Variants in E2F1 observed in about 807,000 individuals in gnomAD.
The protein encoded by E2F1 is E2F transcription factor 1.
Under a neutral mutation model 36.9 loss-of-function variants are expected in E2F1, and 7 were observed. The ratio of observed to expected loss-of-function variants is 0.19; its 90% CI spans 0.11 to 0.36. The LOEUF is 0.36. Among genes scored for constraint, E2F1 ranks in the 10% least tolerant of loss-of-function variants. E2F1 has a pLI of 1.00. For missense variants in E2F1, 406 were observed against 573.6 expected (o/e 0.71, Z 2.99); for synonymous variants, 261 against 263.1 (o/e 0.99, Z 0.08).
chr20:33,678,450 CTG>C lies in E2F1; in HGVS notation c.573-99_573-98del, dbSNP rs1356747396. 3 of 1,462,444 alleles carry C rather than the reference CTG, an allele frequency of 2.1e-6. No individual in the cohort carries two copies. The African/African-American group carries it at 4.2e-5, about 20-fold the overall frequency. The allele number at this position is 1,462,444 out of a possible 1,614,324, so 90.6% of individuals were successfully genotyped here. A position where few individuals can be genotyped will look rare whatever the true frequency, so the allele number is the denominator to read the frequency against. On this transcript the variant is annotated intron_variant, in intron 3 of 6. Transcript: ENST00000343380. ...GACAGAGTCTGCTGTTGCCTCTGTT[CTG>C]TGAGGCCTAGGCAAGCCCTTGCTTC...
chr20:33,676,832 G>T lies in E2F1; in HGVS notation c.1214C>A (p.Pro405His). 1 of 1,595,040 alleles carries T rather than the reference G, an allele frequency of 6.3e-7. No individual in the cohort carries two copies. The highest frequency in any genetic ancestry group is 1.1e-5 in the South Asian group (1 of 88,474). The change falls in exon 7 of 7, where the codon CCC (proline) becomes CAC (histidine). Residue 405 changes from proline to histidine, a missense_variant. Physicochemically the swap from Pro to His is moderately conservative, Grantham distance 77. Transcript: ENST00000343380. ...GAAGTGGTAGTCGAGGGCCTCGTGG[G>T]GTGGGGAAAGGCTGATGAACTCCTC... Reference protein sequence around the residue: ...LPEEFISLSPPHEALDYHFGL... With the variant: ...LPEEFISLSPHHEALDYHFGL...
chr20:33,677,949 C>G (rs1026327280), intron 4 of E2F1, among the ~76,000 whole-genome samples: 1 of 152,142 alleles, frequency 6.6e-6, no homozygotes, highest in Non-Finnish European at 1.5e-5. Context: ...CATGAACCAC[C>G]GCACCTAGCC....
Position 33,676,453 on chromosome 20 carries a change from G to A in E2F1, c.*279C>T, listed in dbSNP as rs149816386. On this transcript the variant is annotated 3_prime_UTR_variant, in exon 7 of 7. Coordinates refer to ENST00000343380, the MANE Select transcript of E2F1 (RefSeq NM_005225.3). ...AGGTGTATGTTCACCTTCATTCCCC[G>A]GTACATGCACACACACATGCTCACA... is the stretch of plus-strand genomic sequence containing the variant. 3,425 of 393,528 alleles carry A rather than the reference G, an allele frequency of 8.7e-3. 33 individuals carry two copies. The highest frequency in any genetic ancestry group is 9.6e-3 in the Non-Finnish European group (2,103 of 218,298). 24.4% of individuals were successfully genotyped at this position (393,528 alleles called of 1,614,324 possible). A position where few individuals can be genotyped will look rare whatever the true frequency, so the allele number is the denominator to read the frequency against.
At chr20:33,680,078 G>T in intron 2 of E2F1, 104 bp from the exon 3 acceptor site, 1 of 1,069,818 alleles carries the variant, frequency 9.3e-7, no homozygotes. Flanking sequence ...GATGGGGGCT[G>T]GGGGACAGCC....
chr20:33,677,043 G>T, intron 6 of E2F1, 62 bp downstream of exon 6: 1 of 1,563,266 alleles, frequency 6.4e-7, no homozygotes, highest in Non-Finnish European at 8.7e-7. Flanking sequence ...AGGGGCTGTC[G>T]TGCCTGCCCA....
chr20:33,684,887 G>T (rs777999434), intron 1 of E2F1, among the ~76,000 whole-genome samples: 2 of 152,056 alleles, frequency 1.3e-5, no homozygotes, highest in African/African-American at 2.4e-5. Flanking sequence ...CAAGTTCCCT[G>T]CTGAGACCCC....
At position 33,676,950 on chromosome 20, in the gene E2F1, G is replaced by A. The variant is rs779509637; in HGVS notation, c.1096C>T (p.Arg366Trp). Residue 366 changes from arginine (R) to tryptophan (W), a missense_variant, in exon 7 of 7, where the codon CGG becomes TGG. This residue lies in a region of E2F1 where 163 missense variants were observed against 181.5 expected (regional missense o/e 0.90). Coordinates refer to ENST00000343380, the MANE Select transcript of E2F1 (RefSeq NM_005225.3). ...AGGCGGTCCTCGTCCACGGGAGCCC[G>A]CAGGCTGCCCATCCGGGACAACAGC... ...EPLLSRMGSL[R>W]APVDEDRLSP... 8 of 1,562,964 alleles carry A rather than the reference G, an allele frequency of 5.1e-6. No individual in the cohort carries two copies. Among genetic ancestry groups the A allele is most frequent in the South Asian group, 2.3e-5 (2 of 86,040 alleles).
chr20:33,681,342 C>T (rs766363029), intron 1 of E2F1, among the ~76,000 whole-genome samples: 22 of 152,198 alleles, frequency 1.4e-4, no homozygotes, highest in Admixed American at 2.6e-4. Flanking sequence ...CCCAGCTAAG[C>T]CACTGATTAC....
intron 1 of E2F1, among the ~76,000 whole-genome samples, chr20:33,682,620 G>A (rs1023872985): frequency 3.9e-5 from 6 of 152,144 alleles, no homozygotes; most frequent in South Asian, 4.1e-4. Flanking sequence ...TCAGTGCCAC[G>A]CCCTAAAACA....
At chr20:33,680,511 T>C in intron 1 of E2F1, 95 bp from the exon 2 acceptor site, 1 of 1,066,042 alleles carries the variant, frequency 9.4e-7, no homozygotes, top group Non-Finnish European at 1.4e-6. Context: ...CTCGCCTCAG[T>C]TTCTCTAGCA....
At chr20:33,681,327 C>G (rs1047423648) in intron 1 of E2F1, among the ~76,000 whole-genome samples, 2 of 152,248 alleles carry the variant, frequency 1.3e-5, no homozygotes, top group African/African-American at 4.8e-5. Context: ...TAGTCAGCCA[C>G]CATGCCCAGC....
intron 3 of E2F1, 60 bp from the exon 4 acceptor site, chr20:33,678,413 C>G (rs910290764): frequency 5.0e-6 from 8 of 1,594,158 alleles, no homozygotes; most frequent in Admixed American, 3.4e-5. Flanking sequence ...GGCCAGGAGC[C>G]CTGGGCCTCA....
chr20:33,678,191 C>T lies in E2F1; in HGVS notation c.725+10G>A. On this transcript the variant is annotated intron_variant, in intron 4 of 6. Coordinates refer to ENST00000343380, the MANE Select transcript of E2F1 (RefSeq NM_005225.3). ...CTGCCTTCCACACCCTACGGCCAATCCAAGGATATCGCTGGCTGTCAGTGT... is the reference window on the plus strand; with the variant it reads ...CTGCCTTCCACACCCTACGGCCAATTCAAGGATATCGCTGGCTGTCAGTGT... 4 of 1,609,314 alleles carry T rather than the reference C, an allele frequency of 2.5e-6. No individual in the cohort carries two copies. Among genetic ancestry groups the T allele is most frequent in the Non-Finnish European group, 3.4e-6 (4 of 1,176,562 alleles).
chr20:33,676,960 C>T lies in E2F1; in HGVS notation c.1086G>A (p.Met362Ile). 6.4e-6 allele frequency: 10 copies of T among 1,564,648 alleles called. No individual in the cohort carries two copies. The highest frequency in any genetic ancestry group is 8.7e-6 in the Non-Finnish European group (10 of 1,152,276). ...CGTCCACGGGAGCCCGCAGGCTGCC[C>T]ATCCGGGACAACAGCGGTTCTGGGG... ...SLEQEPLLSR[M>I]GSLRAPVDED... The change falls in exon 7 of 7, where the codon ATG (methionine) becomes ATA (isoleucine). Residue 362 changes from methionine to isoleucine, a missense_variant. This residue lies in a region of E2F1 where 163 missense variants were observed against 181.5 expected (regional missense o/e 0.90). Coordinates refer to ENST00000343380, the MANE Select transcript of E2F1 (RefSeq NM_005225.3).
chr20:33,684,788 AG>A (rs1260704918), intron 1 of E2F1, among the ~76,000 whole-genome samples: 1 of 152,112 alleles, frequency 6.6e-6, no homozygotes, highest in Non-Finnish European at 1.5e-5. Flanking sequence ...AGGATGCCTC[AG>A]GGACCAGCTG....
chr20:33,685,027 T>C (rs1021053080), intron 1 of E2F1, among the ~76,000 whole-genome samples: 3 of 152,100 alleles, frequency 2.0e-5, no homozygotes, highest in Admixed American at 6.5e-5. Flanking sequence ...ACGCCTCCAA[T>C]CCCTTCTCCC....
Position 33,686,189 on chromosome 20 carries a change from G to A in E2F1, c.76C>T (p.Arg26Trp), listed in dbSNP as rs1386191320. Residue 26 changes from arginine to tryptophan, a missense_variant, in exon 1 of 7, where the codon CGG becomes TGG. Arg to Trp is a moderately radical substitution (Grantham distance 101). This residue lies in a region of E2F1 where 68 missense variants were observed against 74.3 expected (regional missense o/e 0.92). Coordinates refer to ENST00000343380, the MANE Select transcript of E2F1 (RefSeq NM_005225.3). ...ACGATCTGCGAGGAGTCGAGCAGCC[G>A]CAGCGCGCCGGCCCCGAGCAGGGCC... The part of the protein sequence containing the change: ...LEALLGAGAL[R>W]LLDSSQIVII... The A allele has an allele frequency of 1.9e-6, 2 of 1,044,000 alleles. No individual in the cohort carries two copies. Among genetic ancestry groups the A allele is most frequent in the Non-Finnish European group, 2.3e-6 (2 of 869,338 alleles). The allele number at this position is 1,044,000 out of a possible 1,614,324, so 64.7% of individuals were successfully genotyped here.
intron 1 of E2F1, 63 bp downstream of exon 1, chr20:33,685,941 C>T: frequency 9.2e-7 from 1 of 1,086,838 alleles, no homozygotes; most frequent in Non-Finnish European, 1.1e-6. Context: ...AACACGGCGC[C>T]CTCCCGGGTC....
At chr20:33,685,390 C>G (rs2018057950) in intron 1 of E2F1, among the ~76,000 whole-genome samples, 2 of 152,026 alleles carry the variant, frequency 1.3e-5, no homozygotes, top group Non-Finnish European at 2.9e-5. Flanking sequence ...CAGGCCTGCA[C>G]CTGGCAGTCA....
Sources: gnomAD v4.1 joint callset for allele counts (sites outside exome capture counted in the v4.1 genomes callset) on GRCh38, gnomAD v4.1.1 for gene constraint, gnomAD v4.1.1 regional missense constraint, MANE v1.5 for transcripts, NCBI Gene and HGNC (gene_info 2026-07-23, HGNC 2026-07-21) for gene names.